Variants in CFAP299 observed in about 807,000 individuals in gnomAD.
CFAP299 encodes cilia and flagella associated protein 299, also known as cilia- and flagella-associated protein 299.
Under a neutral mutation model 27.0 loss-of-function variants are expected in CFAP299, and 21 were observed. The observed-to-expected ratio is 0.78, with a 90% CI of 0.55 to 1.12. The LOEUF is 1.12. CFAP299 is among the 50% of genes most tolerant of loss of function. CFAP299 has a pLI of 0.00. For synonymous variants in CFAP299, 104 were observed against 98.1 expected, an observed-to-expected ratio of 1.06 and a Z score of -0.36; for missense variants, 310 against 276.6, an observed-to-expected ratio of 1.12 and a Z score of -0.86.
At chr4:80,930,410 T>C (rs1736558354) in intron 4 of CFAP299, among the ~76,000 whole-genome samples, 1 of 152,182 alleles carries the variant, frequency 6.6e-6, no homozygotes, top group South Asian at 2.1e-4. Context: ...TTCTAATTAA[T>C]AGCTAATCAG....
intron 3 of CFAP299, among the ~76,000 whole-genome samples, chr4:80,776,285 G>A (rs535979276): frequency 7.4e-4 from 112 of 152,176 alleles, no homozygotes; most frequent in Non-Finnish European, 1.2e-3. Context: ...TACAGTGTCA[G>A]GCCATAGTGG....
chr4:80,821,140 GTTA>G (rs2110124117), intron 3 of CFAP299, among the ~76,000 whole-genome samples: 1 of 152,226 alleles, frequency 6.6e-6, no homozygotes, highest in South Asian at 2.1e-4. Context: ...AGTAGAAATT[GTTA>G]TTGACTACTG....
At chr4:80,398,671 C>A (rs903790720) in intron 2 of CFAP299, among the ~76,000 whole-genome samples, 1 of 152,174 alleles carries the variant, frequency 6.6e-6, no homozygotes, top group Admixed American at 6.5e-5. Flanking sequence ...CTTCCTTACA[C>A]CTTATACTAA....
At chr4:80,675,207 G>T (rs1444202931) in intron 3 of CFAP299, among the ~76,000 whole-genome samples, 1 of 152,098 alleles carries the variant, frequency 6.6e-6, no homozygotes, top group Non-Finnish European at 1.5e-5. Context: ...ATGGGGTTTT[G>T]GTGTGGATGT....
At chr4:80,492,174 A>G (rs1731169693) in intron 2 of CFAP299, among the ~76,000 whole-genome samples, 1 of 152,178 alleles carries the variant, frequency 6.6e-6, no homozygotes, top group African/African-American at 2.4e-5. Context: ...GGCCAAACCA[A>G]TGCATTTCTT....
intron 3 of CFAP299, among the ~76,000 whole-genome samples, chr4:80,716,126 G>C (rs1375219128): frequency 6.6e-6 from 1 of 151,910 alleles, no homozygotes; most frequent in African/African-American, 2.4e-5. Context: ...AGAAAACAAA[G>C]CTTGCTCAGT....
chr4:80,893,181 A>T (rs548672693), intron 4 of CFAP299, among the ~76,000 whole-genome samples: 1 of 151,868 alleles, frequency 6.6e-6, no homozygotes, highest in East Asian at 1.9e-4. Flanking sequence ...TTAACCAAAG[A>T]TGTGAAAAAA....
At chr4:80,387,537 C>G in intron 2 of CFAP299, 1 of 890,358 alleles carries the variant, frequency 1.1e-6, no homozygotes, top group East Asian at 2.4e-5. Context: ...GCTGGCCCAA[C>G]CCTGTGTTTT....
chr4:80,691,611 G>A (rs1459634319), intron 3 of CFAP299, among the ~76,000 whole-genome samples: 1 of 151,266 alleles, frequency 6.6e-6, no homozygotes, highest in African/African-American at 2.4e-5. Flanking sequence ...AAAACTGGAA[G>A]CATTCCCTTT....
intron 2 of CFAP299, among the ~76,000 whole-genome samples, chr4:80,437,695 A>T (rs1728161935): frequency 6.6e-6 from 1 of 152,238 alleles, no homozygotes; most frequent in Non-Finnish European, 1.5e-5. Flanking sequence ...TTGAAAAGAT[A>T]GTCTGGAACA....
rs545743128 is a variant in CFAP299 at position 80,871,196 on chromosome 4, C to G, written c.476+1061C>G. 1.4e-4 allele frequency: 141 copies of G among 985,044 alleles called. No homozygotes were observed. In the South Asian group the frequency reaches 6.1e-3, roughly 42 times the overall value. 61.0% of individuals were successfully genotyped at this position (985,044 alleles called of 1,614,324 possible). On this transcript the variant is annotated intron_variant, in intron 4 of 5. Coordinates refer to ENST00000358105, the MANE Select transcript of CFAP299 (RefSeq NM_152770.3). ...TGCTGGGATTACAGGCGTCAGCCAC[C>G]GAGCCTGACTCCCATCTCCACTGTA...
intron 2 of CFAP299, among the ~76,000 whole-genome samples, chr4:80,570,249 A>T (rs1735517826): frequency 6.6e-6 from 1 of 152,024 alleles, no homozygotes; most frequent in Admixed American, 6.6e-5. Context: ...TTTAAAGTGG[A>T]AAAAAGTCTA....
the CFAP299 span, among the ~76,000 whole-genome samples, chr4:80,326,643 T>C: frequency 2.0e-5 from 3 of 152,188 alleles, no homozygotes. Flanking sequence ...GACTACTTTC[T>C]ATAGTTTCCT....
intron 1 of CFAP299, among the ~76,000 whole-genome samples, chr4:80,341,361 C>G (rs1312122397): frequency 6.6e-6 from 1 of 152,176 alleles, no homozygotes; most frequent in Non-Finnish European, 1.5e-5. Flanking sequence ...TTTCAGTGGG[C>G]TCTTGATCCC....
intron 2 of CFAP299, among the ~76,000 whole-genome samples, chr4:80,472,889 T>C (rs1043865648): frequency 1.3e-5 from 2 of 152,176 alleles, no homozygotes; most frequent in African/African-American, 4.8e-5. Flanking sequence ...CGCAGAACTC[T>C]GAACACACAT....
intron 3 of CFAP299, among the ~76,000 whole-genome samples, chr4:80,752,169 C>T (rs1113625): frequency 0.043 from 6,466 of 152,034 alleles, 343 homozygotes; most frequent in African/African-American, 0.12. Context: ...TGCCACTCCC[C>T]GGTAGGCCAT....
chr4:80,625,187 G>C (rs1041670243), intron 3 of CFAP299, among the ~76,000 whole-genome samples: 1 of 152,052 alleles, frequency 6.6e-6, no homozygotes, highest in African/African-American at 2.4e-5. Flanking sequence ...AACTTATTGA[G>C]GGATTTGCAA....
chr4:80,759,639 A>G (rs2110076968), intron 3 of CFAP299, among the ~76,000 whole-genome samples: 1 of 152,326 alleles, frequency 6.6e-6, no homozygotes, highest in Non-Finnish European at 1.5e-5. Context: ...TGACACCACC[A>G]TTATTTTATT....
intron 2 of CFAP299, among the ~76,000 whole-genome samples, chr4:80,453,361 A>T (rs1728987085): frequency 6.6e-6 from 1 of 152,150 alleles, no homozygotes; most frequent in African/African-American, 2.4e-5. Flanking sequence ...GAATATTCAA[A>T]CTAAGACATG....
Sources: gnomAD v4.1 joint callset for allele counts (sites outside exome capture counted in the v4.1 genomes callset) on GRCh38, gnomAD v4.1.1 for gene constraint, MANE v1.5 for transcripts, NCBI Gene and HGNC (gene_info 2026-07-23, HGNC 2026-07-21) for gene names.